The following ICE1 variants were observed in gnomAD, a reference collection of about 807,000 sequenced individuals.
ICE1 encodes the protein little elongation complex subunit 1.
A neutral mutation model predicts 192.7 loss-of-function variants in ICE1; 64 were observed. The observed-to-expected ratio is 0.33, with a 90% CI of 0.27 to 0.41. The LOEUF is 0.41. Ranked by LOEUF, ICE1 falls within the 10% of genes least tolerant of loss-of-function variation. ICE1 has a pLI of 1.00. For synonymous variants in ICE1, 1,010 were observed against 984.5 expected (o/e 1.03, Z -0.49); for missense variants, 2,708 against 2,696.0 (o/e 1.00, Z -0.10).
rs201780270 is a variant in ICE1, at chr5:5,464,420, C to A, written c.5086C>A (p.Pro1696Thr). 1.1e-3 allele frequency: 1,846 copies of A among 1,613,958 alleles called. 5 individuals carry two copies. The highest frequency in any genetic ancestry group is 9.6e-3 in the Middle Eastern group (58 of 6,062). ...CCCCAGACGTGCCTCTCCTCCAGAT[C>A]CTTCTCCATCTCCATCTGCAGCTTC... The part of the protein sequence containing the change: ...EDPRRASPPD[P>T]SPSPSAASAS... Residue 1696 changes from proline to threonine, a missense_variant, in exon 13 of 19, where the codon CCT becomes ACT. Pro to Thr is a conservative substitution (Grantham distance 38, BLOSUM62 -1). Coordinates refer to ENST00000296564, the MANE Select transcript of ICE1 (RefSeq NM_015325.3). This position sits in a 1 kb window ranked among gnomAD's most constrained non-coding sequence, Gnocchi z 4.0.
At position 5,443,156 on chromosome 5, in the gene ICE1, CT is replaced by C; in HGVS notation, c.310-5del. On this transcript the variant is annotated splice_polypyrimidine_tract_variant and intron_variant, in intron 5 of 18. Transcript: ENST00000296564. ...CATTTTGACAATATCTGTTTTTTTT[CT>C]TTTTTTAAAGAGTTCTTTAAAGTTG... The C allele has an allele frequency of 3.5e-6, 5 of 1,414,574 alleles. No individual in the cohort carries two copies. Among genetic ancestry groups the C allele is most frequent in the Admixed American group, 2.6e-5 (1 of 38,152 alleles). 87.6% of individuals were successfully genotyped at this position (1,414,574 alleles called of 1,614,324 possible).
chr5:5,458,548 T>C (rs548580105), intron 12 of ICE1, among the ~76,000 whole-genome samples: 14 of 152,298 alleles, frequency 9.2e-5, no homozygotes, highest in African/African-American at 3.4e-4. Flanking sequence ...CTTCTGAAGA[T>C]TCAATCCCCA....
chr5:5,459,109 G>A (rs1307766744), intron 12 of ICE1, among the ~76,000 whole-genome samples: 11 of 152,112 alleles, frequency 7.2e-5, no homozygotes, highest in Non-Finnish European at 7.4e-5. Flanking sequence ...TCCTGACCTC[G>A]TGATCTGCCT....
chr5:5,439,445 G>C (rs550247362), intron 3 of ICE1, among the ~76,000 whole-genome samples: 1 of 152,204 alleles, frequency 6.6e-6, no homozygotes, highest in East Asian at 1.9e-4. Flanking sequence ...GAGTTTTGTA[G>C]ATTTTATGAT....
chr5:5,470,205 C>T (rs1001397352), intron 15 of ICE1, among the ~76,000 whole-genome samples: 2 of 152,128 alleles, frequency 1.3e-5, no homozygotes, highest in Non-Finnish European at 2.9e-5. Flanking sequence ...AGAGAGTTAC[C>T]CGTTCCCAGA....
At chr5:5,482,775 AACACACACACAC>A (rs70965943) in intron 17 of ICE1, among the ~76,000 whole-genome samples, 139 of 136,080 alleles carry the variant, frequency 1.0e-3, no homozygotes, top group Middle Eastern at 7.4e-3. Flanking sequence ...CCCACCCCCC[AACACACACACAC>A]ACACACACAC....
chr5:5,473,122 T>C (rs1246699602), intron 15 of ICE1, among the ~76,000 whole-genome samples: 2 of 152,178 alleles, frequency 1.3e-5, no homozygotes, highest in Non-Finnish European at 2.9e-5. Flanking sequence ...AAGCCAGAAA[T>C]AAGAATTCAT....
At chr5:5,427,009 G>A (rs1210112922) in intron 1 of ICE1, among the ~76,000 whole-genome samples, 1 of 152,222 alleles carries the variant, frequency 6.6e-6, no homozygotes, top group East Asian at 1.9e-4. Flanking sequence ...GAACTGTAAT[G>A]TTAGGCTAAC....
At chr5:5,488,596 G>A (rs760551556) in intron 18 of ICE1, among the ~76,000 whole-genome samples, 2 of 152,142 alleles carry the variant, frequency 1.3e-5, no homozygotes, top group Non-Finnish European at 2.9e-5. Flanking sequence ...CCTTAAAAGA[G>A]AACTGTGATA....
At position 5,461,965 on chromosome 5, in the gene ICE1, C is replaced by T; in HGVS notation, c.2631C>T (p.His877=). ...AGGTTCAGAGTGCCAAATTGGAACA[C>T]TTGAGGCCACATAGGGTTGAGCCTA... is the stretch of plus-strand genomic sequence containing the variant. ...PEKVQSAKLE[H]LRPHRVEPTL... Residue 877 remains histidine, a synonymous_variant, in exon 13 of 19, where the codon CAC becomes CAT. Coordinates refer to ENST00000296564, the MANE Select transcript of ICE1 (RefSeq NM_015325.3). 1 of 1,613,932 alleles carries T rather than the reference C, an allele frequency of 6.2e-7. No individual in the cohort carries two copies. Among genetic ancestry groups the T allele is most frequent in the South Asian group, 1.1e-5 (1 of 91,088 alleles).
chr5:5,459,295 CAGTT>C (rs559477168), intron 12 of ICE1, among the ~76,000 whole-genome samples: 2 of 152,122 alleles, frequency 1.3e-5, no homozygotes, highest in African/African-American at 4.8e-5. Context: ...TTTAATGTGG[CAGTT>C]AGGGGAGATG....
intron 5 of ICE1, among the ~76,000 whole-genome samples, chr5:5,442,745 T>C (rs570480343): frequency 1.3e-5 from 2 of 152,270 alleles, no homozygotes; most frequent in South Asian, 4.1e-4. Context: ...GCTGCTAGGG[T>C]GTATATATCA....
In ICE1 at chr5:5,443,796, T is replaced by C. The variant is rs544217418; in HGVS notation, c.387-493T>C. 2.6e-5 allele frequency among the ~76,000 whole-genome samples: 4 copies of C among 152,326 alleles called. No homozygotes were observed. In the East Asian group the frequency reaches 5.8e-4, roughly 22 times the overall value. On this transcript the variant is annotated intron_variant, in intron 6 of 18. Transcript: ENST00000296564. ...GAGCTATACATAAAACAGTTGAATG[T>C]AGATGTAATGAAGCAGTGACTCAGA... is the stretch of plus-strand genomic sequence containing the variant.
Position 5,422,922 on chromosome 5 carries a change from C to A in ICE1, c.7C>A (p.Pro3Thr). 1 of 1,417,574 alleles carries A rather than the reference C, an allele frequency of 7.1e-7. No homozygotes were observed. The highest frequency in any genetic ancestry group is 1.4e-5 in the South Asian group (1 of 69,146). The allele number at this position is 1,417,574 out of a possible 1,614,324, so 87.8% of individuals were successfully genotyped here. Residue 3 changes from proline to threonine, a missense_variant, in exon 1 of 19, where the codon CCG (proline) becomes ACG (threonine). By Grantham distance (38) the Pro-to-Thr change is conservative. Around this residue, in one of 2 missense-constraint regions of ICE1, gnomAD observed 2,366 missense variants for 2,276.6 expected, o/e 1.04. Coordinates refer to ENST00000296564, the MANE Select transcript of ICE1 (RefSeq NM_015325.3). Reference protein sequence around the residue: MMPGETHSAAPGT... With the variant: MMTGETHSAAPGT... ...CGGGCCCGGCGGCGGCACCATGATG[C>A]CGGGCGAGACCCATTCGGCGGCGCC... is the stretch of plus-strand genomic sequence containing the variant.
At position 5,464,052 on chromosome 5, in the gene ICE1, C is replaced by G; in HGVS notation, c.4718C>G (p.Ser1573Trp). The change falls in exon 13 of 19, where the codon TCG (serine) becomes TGG (tryptophan). Residue 1573 changes from serine to tryptophan, a missense_variant. By Grantham distance (177) the Ser-to-Trp change is radical. Transcript: ENST00000296564. The surrounding 1 kb of genome is among the most constrained non-coding windows in gnomAD (Gnocchi z 4.0). ...QSNKPVKTSA[S>W]SRVETHQSEV... ...AACAAACCAGTAAAAACTTCAGCGT[C>G]GAGCAGAGTTGAAACTCATCAGAGT... is the stretch of plus-strand genomic sequence containing the variant. 1 of 1,613,610 alleles carries G rather than the reference C, an allele frequency of 6.2e-7. No individual in the cohort carries two copies. The highest frequency in any genetic ancestry group is 8.5e-7 in the Non-Finnish European group (1 of 1,179,860).
Position 5,458,473 on chromosome 5 carries a change from G to A in ICE1, c.1101+732G>A, listed in dbSNP as rs150835052. On this transcript the variant is annotated intron_variant, in intron 12 of 18. Transcript: ENST00000296564. ...CAGTGGTGGAAAACACGCTGCTTGG[G>A]AGCATAAAGAAAAGCAGCTCAGTCC... Among the ~76,000 whole-genome samples, 717 of 152,294 alleles carry A rather than the reference G, an allele frequency of 4.7e-3. 5 individuals are homozygous for A. Among genetic ancestry groups the A allele is most frequent in the African/African-American group, 0.014 (596 of 41,550 alleles).
At chr5:5,474,834 C>A (rs1401293009) in intron 16 of ICE1, among the ~76,000 whole-genome samples, 1 of 152,206 alleles carries the variant, frequency 6.6e-6, no homozygotes, top group Non-Finnish European at 1.5e-5. Flanking sequence ...ATGTCTGTTA[C>A]TCTTGTTCAT....
At chr5:5,459,189 T>C (rs1394720907) in intron 12 of ICE1, among the ~76,000 whole-genome samples, 2 of 152,152 alleles carry the variant, frequency 1.3e-5, no homozygotes, top group Non-Finnish European at 2.9e-5. Flanking sequence ...CACTTAATTT[T>C]TGATACCTGA....
intron 7 of ICE1, 129 bp from the exon 8 acceptor site, chr5:5,447,298 C>T (rs911564406): frequency 2.6e-5 from 17 of 653,704 alleles, no homozygotes; most frequent in South Asian, 6.8e-5. Flanking sequence ...TGGCTTTTTA[C>T]GAAATTTATT....
Sources: gnomAD v4.1 joint callset for allele counts (sites outside exome capture counted in the v4.1 genomes callset) on GRCh38, gnomAD v4.1.1 for gene constraint, gnomAD v4.1.1 regional missense constraint, Gnocchi (gnomAD v3.1) non-coding constraint, MANE v1.5 for transcripts, NCBI Gene and HGNC (gene_info 2026-07-23, HGNC 2026-07-21) for gene names.